The following NUMA1 variants were observed in gnomAD, a reference collection of about 807,000 sequenced individuals.
NUMA1 encodes nuclear mitotic apparatus protein 1.
Under a neutral mutation model 237.1 loss-of-function variants are expected in NUMA1, and 62 were observed. That is an observed-to-expected ratio of 0.26 (90% CI 0.21 to 0.32). The LOEUF is 0.32. NUMA1 is among the 10% of genes least tolerant of loss of function. NUMA1 has a pLI of 1.00. For synonymous variants in NUMA1, 1,028 were observed against 1,066.1 expected (o/e 0.96, Z 0.70); for missense variants, 2,533 against 2,666.5 (o/e 0.95, Z 1.10).
intron 2 of NUMA1, among the ~76,000 whole-genome samples, chr11:72,044,089 A>G (rs1234387385): frequency 9.9e-5 from 15 of 152,224 alleles, no homozygotes; most frequent in African/African-American, 3.6e-4. Context: ...AGTAGGTACC[A>G]TTATCACCCA....
chr11:72,048,411 G>A (rs891179965), intron 2 of NUMA1, among the ~76,000 whole-genome samples: 21 of 151,770 alleles, frequency 1.4e-4, no homozygotes, highest in African/African-American at 4.4e-4. Context: ...TTGCTTTGTC[G>A]CCCAGGCTGG....
rs1481777679 is a variant in NUMA1 at position 72,006,215 on chromosome 11, T to C, written c.5512A>G (p.Thr1838Ala). The C allele has an allele frequency of 6.2e-7, 1 of 1,614,150 alleles. No individual in the cohort carries two copies. The highest frequency in any genetic ancestry group is 1.7e-5 in the Admixed American group (1 of 60,022). The change falls in exon 22 of 27, where the codon ACG becomes GCG. Residue 1838 changes from threonine to alanine, a missense_variant. By Grantham distance (58) the Thr-to-Ala change is moderately conservative. This residue lies in a region of NUMA1 where 795 missense variants were observed against 750.8 expected (regional missense o/e 1.06). Coordinates refer to ENST00000393695, the MANE Select transcript of NUMA1 (RefSeq NM_006185.4). ...GCCTGGGAAGCAGGAGCAGACCGCG[T>C]GCTGTAGAACGATGAGTTGGCGCTG... is the stretch of plus-strand genomic sequence containing the variant. ...PDSANSSFYS[T>A]RSAPASQASL... is the part of the protein sequence containing the mutation.
Position 72,014,735 on chromosome 11 carries a change from A to C in NUMA1, c.2768T>G (p.Val923Gly), listed in dbSNP as rs1360997724. ...TTCCTGCTGCTCACCTGCCTTGCGC[A>C]CCAAGGTCTCCAAGCGGGCCACCTC... is the stretch of plus-strand genomic sequence containing the variant. ...SKEVARLETL[V>G]RKAGEQQETA... Residue 923 changes from valine (V) to glycine (G), a missense_variant, in exon 15 of 27, where the codon GTG becomes GGG. Around this residue, in one of 3 missense-constraint regions of NUMA1, gnomAD observed 1,414 missense variants for 1,508.1 expected, o/e 0.94. Transcript: ENST00000393695. The surrounding 1 kb of genome is among the most constrained non-coding windows in gnomAD (Gnocchi z 4.6). The C allele has an allele frequency of 3.7e-6, 6 of 1,614,066 alleles. No homozygotes were observed. The highest frequency in any genetic ancestry group is 5.1e-6 in the Non-Finnish European group (6 of 1,180,034).
Position 72,003,959 on chromosome 11 carries a change from C to T in NUMA1, c.6264G>A (p.Pro2088=), listed in dbSNP as rs150300331. 1.8e-4 allele frequency: 293 copies of T among 1,613,376 alleles called. 1 individual carries two copies. Among genetic ancestry groups the T allele is most frequent in the Non-Finnish European group, 1.9e-4 (220 of 1,179,702 alleles). ...PNTRSGTRRS[P]RIATTTASAA... is the part of the protein sequence containing the mutation. ...CGCTGGCTGTGGTGGTGGCAATGCG[C>T]GGAGAACGGCGGGTTCCACTGCGAG... Residue 2088 remains proline, a synonymous_variant, in exon 26 of 27, where the codon CCG becomes CCA. Coordinates refer to ENST00000393695, the MANE Select transcript of NUMA1 (RefSeq NM_006185.4).
At chr11:72,053,072 C>G (rs1942453431) in intron 2 of NUMA1, among the ~76,000 whole-genome samples, 1 of 152,216 alleles carries the variant, frequency 6.6e-6, no homozygotes. Flanking sequence ...TTTACTCTCT[C>G]TGTGCCCTCA....
chr11:72,026,162 G>C (rs993202474), intron 4 of NUMA1, among the ~76,000 whole-genome samples: 1 of 152,138 alleles, frequency 6.6e-6, no homozygotes, highest in Non-Finnish European at 1.5e-5. Context: ...AGTAGTCCTA[G>C]AGAAATCCAG....
At chr11:72,053,889 C>T (rs1271728016) in intron 2 of NUMA1, among the ~76,000 whole-genome samples, 4 of 152,058 alleles carry the variant, frequency 2.6e-5, no homozygotes, top group Non-Finnish European at 5.9e-5. Context: ...AATGTAACAA[C>T]TATTTACATA....
intron 2 of NUMA1, among the ~76,000 whole-genome samples, chr11:72,050,999 C>T (rs1455840831): frequency 6.6e-6 from 1 of 151,774 alleles, no homozygotes; most frequent in African/African-American, 2.4e-5. Flanking sequence ...GTGATCCTCC[C>T]GCCTCAGCCT....
At chr11:72,012,839 G>C in intron 15 of NUMA1, 56 bp downstream of exon 15, 1 of 1,575,856 alleles carries the variant, frequency 6.3e-7, no homozygotes, top group East Asian at 2.2e-5. Flanking sequence ...GAGGATCGAT[G>C]TCCCCGCGCT....
chr11:72,076,552 G>A lies in NUMA1; in HGVS notation c.-103+3906C>T, dbSNP rs185923730. The A allele has an allele frequency of 2.3e-3, 349 of 152,312 alleles. 4 individuals are homozygous for A. The highest frequency in any genetic ancestry group is 0.014 in the Middle Eastern group (4 of 294). 9.4% of individuals were successfully genotyped at this position (152,312 alleles called of 1,614,324 possible). A position where few individuals can be genotyped will look rare whatever the true frequency, so the allele number is the denominator to read the frequency against. ...TGTAATCCCAGCACTTTGGGAGGCC[G>A]AGGAGGGCAGATTACCTGAGGTTGG... is the stretch of plus-strand genomic sequence containing the variant. On this transcript the variant is annotated intron_variant, in intron 1 of 26. Coordinates refer to ENST00000393695, the MANE Select transcript of NUMA1 (RefSeq NM_006185.4).
intron 4 of NUMA1, among the ~76,000 whole-genome samples, chr11:72,027,438 A>C (rs1160070904): frequency 2.0e-5 from 3 of 152,182 alleles, no homozygotes; most frequent in East Asian, 3.8e-4. Context: ...AAAAAAGTGA[A>C]TCAAGCTTAG....
chr11:72,048,386 T>C (rs1397058502), intron 2 of NUMA1, among the ~76,000 whole-genome samples: 1 of 152,170 alleles, frequency 6.6e-6, no homozygotes, highest in African/African-American at 2.4e-5. Flanking sequence ...TTTTTTTTAT[T>C]TTTTGAGACA....
At chr11:72,058,716 G>C (rs778482966) in intron 2 of NUMA1, among the ~76,000 whole-genome samples, 7 of 152,176 alleles carry the variant, frequency 4.6e-5, no homozygotes, top group Non-Finnish European at 8.8e-5. Context: ...AAGTAACTTG[G>C]AGAATGTCAA....
In NUMA1 at chr11:72,007,200, T is replaced by C. The variant is rs764951661; in HGVS notation, c.5452A>G (p.Thr1818Ala). 12 of 1,609,244 alleles carry C rather than the reference T, an allele frequency of 7.5e-6. No individual in the cohort carries two copies. The highest frequency in any genetic ancestry group is 8.5e-6 in the Non-Finnish European group (10 of 1,179,896). Residue 1818 changes from threonine to alanine, a missense_variant, in exon 21 of 27, where the codon ACC becomes GCC. Physicochemically the swap from Thr to Ala is moderately conservative, Grantham distance 58 (BLOSUM62 0). Around this residue, in one of 3 missense-constraint regions of NUMA1, gnomAD observed 795 missense variants for 750.8 expected, o/e 1.06. Coordinates refer to ENST00000393695, the MANE Select transcript of NUMA1 (RefSeq NM_006185.4). ...CCCAGCAGCCTGACCTTGGTCATGG[T>C]GATGTTGATGATCTGCGTGGTGCGC... ...RRRTTQIINI[T>A]MTKKLDVEEP...
intron 2 of NUMA1, among the ~76,000 whole-genome samples, chr11:72,056,275 G>A (rs999072482): frequency 7.9e-5 from 12 of 151,632 alleles, no homozygotes; most frequent in African/African-American, 2.4e-4. Flanking sequence ...AGTGAGCTAC[G>A]ATTGTGCCAC....
intron 2 of NUMA1, among the ~76,000 whole-genome samples, chr11:72,057,126 A>G (rs1191005106): frequency 1.3e-5 from 2 of 152,044 alleles, no homozygotes; most frequent in Non-Finnish European, 2.9e-5. Context: ...AATATATTCT[A>G]ATCTCAAAAG....
intron 1 of NUMA1, chr11:72,076,640 C>G (rs1943721507): frequency 6.6e-6 from 1 of 152,074 alleles, no homozygotes; most frequent in Non-Finnish European, 1.5e-5. Flanking sequence ...ACAAAATTAG[C>G]TGGGCATGGT....
intron 2 of NUMA1, among the ~76,000 whole-genome samples, chr11:72,060,221 G>A (rs1237683974): frequency 6.6e-6 from 1 of 152,140 alleles, no homozygotes; most frequent in African/African-American, 2.4e-5. Flanking sequence ...TTACTAAAAC[G>A]TAGCCACGCC....
intron 2 of NUMA1, among the ~76,000 whole-genome samples, chr11:72,061,812 T>C (rs1942960165): frequency 6.6e-6 from 1 of 152,120 alleles, no homozygotes; most frequent in Admixed American, 6.6e-5. Flanking sequence ...ATCTGGTTCC[T>C]ACTGTCCTTC....
Sources: gnomAD v4.1 joint callset for allele counts (sites outside exome capture counted in the v4.1 genomes callset) on GRCh38, gnomAD v4.1.1 for gene constraint, gnomAD v4.1.1 regional missense constraint, Gnocchi (gnomAD v3.1) non-coding constraint, MANE v1.5 for transcripts, NCBI Gene and HGNC (gene_info 2026-07-23, HGNC 2026-07-21) for gene names.